MBD5: variants seen among roughly 807,000 people sequenced by gnomAD.
MBD5 encodes the protein methyl-CpG binding domain protein 5.
Under a neutral mutation model 117.3 loss-of-function variants are expected in MBD5, and 13 were observed. The ratio of observed to expected loss-of-function variants is 0.11; its 90% CI spans 0.07 to 0.18. MBD5 has a LOEUF of 0.18. Ranked by LOEUF, MBD5 falls within the 10% of genes least tolerant of loss-of-function variation. The pLI is 1.00. For synonymous variants in MBD5, 727 were observed against 766.4 expected (o/e 0.95, Z 0.85); for missense variants, 1,879 against 2,093.8 (o/e 0.90, Z 2.00).
chr2:148,341,136 T>TA, intron 3 of MBD5, among the ~76,000 whole-genome samples: 1 of 152,048 alleles, frequency 6.6e-6, no homozygotes, highest in Non-Finnish European at 1.5e-5. Context: ...CTTCTCCTCC[T>TA]AGATAGTTGC....
At chr2:148,448,129 G>A (rs528966759) in intron 4 of MBD5, among the ~76,000 whole-genome samples, 3 of 152,018 alleles carry the variant, frequency 2.0e-5, no homozygotes, top group South Asian at 2.1e-4. Context: ...TTCATATGAC[G>A]CCATTAAACA....
intron 1 of MBD5, among the ~76,000 whole-genome samples, chr2:148,176,012 T>C (rs2105824864): frequency 6.6e-6 from 1 of 152,320 alleles, no homozygotes; most frequent in Non-Finnish European, 1.5e-5. Flanking sequence ...AAGATTAATA[T>C]GATTGAATTC....
At chr2:148,477,752 T>C (rs1681016474) in intron 8 of MBD5, among the ~76,000 whole-genome samples, 1 of 152,182 alleles carries the variant, frequency 6.6e-6, no homozygotes, top group African/African-American at 2.4e-5. Context: ...ATTGTCCCTG[T>C]TTGCAATGCA....
chr2:148,291,506 G>A (rs745465730), intron 3 of MBD5, among the ~76,000 whole-genome samples: 3 of 151,942 alleles, frequency 2.0e-5, no homozygotes, highest in Non-Finnish European at 4.4e-5. Flanking sequence ...TTCATTGCCC[G>A]TTTAGAGAAA....
intron 1 of MBD5, among the ~76,000 whole-genome samples, chr2:148,143,157 G>A (rs1431223339): frequency 2.0e-5 from 3 of 152,194 alleles, no homozygotes; most frequent in Non-Finnish European, 2.9e-5. Context: ...TCCTTGATAG[G>A]TTCTTGGAAA....
chr2:148,055,427 T>TA (rs1017797846), intron 1 of MBD5: 4 of 151,094 alleles, frequency 2.6e-5, no homozygotes, highest in African/African-American at 9.7e-5. Flanking sequence ...TCTTTTTTTT[T>TA]TTTTTCTTTT....
intron 4 of MBD5, among the ~76,000 whole-genome samples, chr2:148,413,159 G>GT (rs1705314676): frequency 6.6e-6 from 1 of 151,962 alleles, no homozygotes; most frequent in Non-Finnish European, 1.5e-5. Context: ...TTCATTGAGG[G>GT]TTTTTTAACA....
At chr2:148,161,573 G>A (rs148546977) in intron 1 of MBD5, among the ~76,000 whole-genome samples, 10 of 152,040 alleles carry the variant, frequency 6.6e-5, no homozygotes, top group Non-Finnish European at 1.0e-4. Context: ...CTTCCTTCAC[G>A]TTGCAGTAGG....
At chr2:148,342,374 A>C (rs1702968368) in intron 4 of MBD5, 38 bp downstream of exon 4, 1 of 151,992 alleles carries the variant, frequency 6.6e-6, no homozygotes, top group Non-Finnish European at 1.5e-5. Context: ...TTCTTCATAC[A>C]ATTATAGTTT....
At chr2:148,158,880 T>C (rs1462871883) in intron 1 of MBD5, among the ~76,000 whole-genome samples, 2 of 152,184 alleles carry the variant, frequency 1.3e-5, no homozygotes, top group Non-Finnish European at 2.9e-5. Context: ...CCACCATGCC[T>C]GGCTAATTTT....
At chr2:148,381,982 C>T (rs969917203) in intron 4 of MBD5, among the ~76,000 whole-genome samples, 5 of 152,110 alleles carry the variant, frequency 3.3e-5, no homozygotes, top group South Asian at 2.1e-4. Flanking sequence ...AAGGAACAAC[C>T]GGTACTAGCC....
At chr2:148,247,002 T>C (rs909597219) in intron 3 of MBD5, among the ~76,000 whole-genome samples, 1 of 152,136 alleles carries the variant, frequency 6.6e-6, no homozygotes, top group Non-Finnish European at 1.5e-5. Flanking sequence ...ACCTTATTGA[T>C]GTTATATAAA....
chr2:148,402,487 G>A (rs916351349), intron 4 of MBD5, among the ~76,000 whole-genome samples: 4 of 151,980 alleles, frequency 2.6e-5, no homozygotes, highest in African/African-American at 9.7e-5. Flanking sequence ...ACCACCAAAA[G>A]TTTTCTTGTA....
At chr2:148,159,484 C>T (rs1489915986) in intron 1 of MBD5, among the ~76,000 whole-genome samples, 2 of 152,008 alleles carry the variant, frequency 1.3e-5, no homozygotes, top group African/African-American at 4.8e-5. Context: ...TAGGGTTTCA[C>T]CATGTTTCCC....
intron 1 of MBD5, among the ~76,000 whole-genome samples, chr2:148,134,281 A>G (rs1321950674): frequency 1.3e-5 from 2 of 152,156 alleles, no homozygotes; most frequent in African/African-American, 2.4e-5. Flanking sequence ...CAGATATACA[A>G]ACACCCATAT....
At chr2:148,349,421 T>C (rs1703198560) in intron 4 of MBD5, among the ~76,000 whole-genome samples, 1 of 152,150 alleles carries the variant, frequency 6.6e-6, no homozygotes, top group African/African-American at 2.4e-5. Flanking sequence ...TTTATTATTA[T>C]CATCATCATT....
intron 4 of MBD5, among the ~76,000 whole-genome samples, chr2:148,443,010 T>C (rs1016114842): frequency 1.3e-5 from 2 of 151,344 alleles, no homozygotes; most frequent in Non-Finnish European, 2.9e-5. Flanking sequence ...CAGGGATCAA[T>C]AACCAGAATA....
chr2:148,215,250 A>G (rs528247708), intron 2 of MBD5, among the ~76,000 whole-genome samples: 250 of 152,312 alleles, frequency 1.6e-3, no homozygotes, highest in Middle Eastern at 3.4e-3. Flanking sequence ...TGTCCCTGCT[A>G]CATCGCCAGC....
At chr2:148,025,699 A>G (rs570878998) in intron 1 of MBD5, 1 of 152,274 alleles carries the variant, frequency 6.6e-6, no homozygotes, top group East Asian at 1.9e-4. Context: ...ATTTTCTACC[A>G]AATTTTAGCA....
Sources: gnomAD v4.1 joint callset for allele counts (sites outside exome capture counted in the v4.1 genomes callset) on GRCh38, gnomAD v4.1.1 for gene constraint, MANE v1.5 for transcripts, NCBI Gene and HGNC (gene_info 2026-07-23, HGNC 2026-07-21) for gene names.